Variants in UVRAG observed in about 807,000 individuals in gnomAD.
The protein encoded by UVRAG is UV radiation resistance associated.
In UVRAG, 19 loss-of-function variants were observed where a neutral mutation model predicts 78.0. That is an observed-to-expected ratio of 0.24 (90% confidence interval 0.17 to 0.36). The LOEUF (loss-of-function observed/expected upper bound fraction) is 0.36. Ranked by LOEUF, UVRAG falls within the 10% of genes least tolerant of loss-of-function variation. UVRAG has a pLI of 1.00. For missense variants in UVRAG, 740 were observed against 853.8 expected (o/e 0.87, Z 1.66); for synonymous variants, 323 against 324.6 (o/e 1.00, Z 0.05).
chr11:76,003,329 T>C (rs1047342734), intron 8 of UVRAG, among the ~76,000 whole-genome samples: 9 of 139,094 alleles, frequency 6.5e-5, no homozygotes, highest in Non-Finnish European at 1.4e-4. Flanking sequence ...TGGAGTGCAG[T>C]GTCATGATCT....
intron 7 of UVRAG, 103 bp downstream of exon 7, chr11:75,961,652 CT>C: frequency 1.2e-6 from 1 of 817,986 alleles, no homozygotes. Context: ...TCGTTTTTAT[CT>C]TCTTAATTGT....
chr11:75,921,001 GTGTT>G (rs1042254133), intron 6 of UVRAG, among the ~76,000 whole-genome samples: 2 of 152,092 alleles, frequency 1.3e-5, no homozygotes, highest in Non-Finnish European at 2.9e-5. Context: ...TTTTTAATGC[GTGTT>G]TGTTTTGACA....
At chr11:76,135,012 C>T (rs1252669977) in intron 14 of UVRAG, among the ~76,000 whole-genome samples, 1 of 152,134 alleles carries the variant, frequency 6.6e-6, no homozygotes. Flanking sequence ...AGCACGAATC[C>T]TGTTGTGAAT....
intron 12 of UVRAG, among the ~76,000 whole-genome samples, chr11:76,040,317 C>T (rs1420908217): frequency 1.3e-5 from 2 of 151,136 alleles, no homozygotes; most frequent in African/African-American, 4.9e-5. Flanking sequence ...ACTAAAAATA[C>T]AAAAAATTAG....
At chr11:75,856,574 A>G (rs1358000500) in intron 2 of UVRAG, among the ~76,000 whole-genome samples, 2 of 152,116 alleles carry the variant, frequency 1.3e-5, no homozygotes, top group Non-Finnish European at 2.9e-5. Context: ...CCTCCCGAGT[A>G]GCTGGGACTA....
chr11:75,862,222 G>C (rs772164647), intron 3 of UVRAG, among the ~76,000 whole-genome samples: 1 of 151,858 alleles, frequency 6.6e-6, no homozygotes, highest in African/African-American at 2.4e-5. Flanking sequence ...TATTTCACTC[G>C]CCATATGTCA....
At chr11:75,927,375 G>A (rs1948133687) in intron 6 of UVRAG, among the ~76,000 whole-genome samples, 1 of 152,010 alleles carries the variant, frequency 6.6e-6, no homozygotes, top group Non-Finnish European at 1.5e-5. Context: ...GGCCAGGGAT[G>A]TAATTTGGAA....
intron 11 of UVRAG, chr11:76,012,825 G>A (rs1019309774): frequency 1.3e-5 from 2 of 151,432 alleles, no homozygotes; most frequent in Non-Finnish European, 2.9e-5. Flanking sequence ...GTGTGTGTGT[G>A]TGTGTGTGTG....
intron 12 of UVRAG, among the ~76,000 whole-genome samples, chr11:76,064,616 T>G (rs1951153783): frequency 6.6e-6 from 1 of 152,170 alleles, no homozygotes; most frequent in Non-Finnish European, 1.5e-5. Flanking sequence ...TGCCTATAAT[T>G]TTATAGTGTA....
At chr11:75,826,802 A>G (rs1945522225) in intron 1 of UVRAG, among the ~76,000 whole-genome samples, 2 of 150,798 alleles carry the variant, frequency 1.3e-5, no homozygotes, top group African/African-American at 4.9e-5. Context: ...ATTCTGTGTA[A>G]TATTTGGTGT....
In UVRAG at chr11:75,917,416, A is replaced by G. The variant is rs527530018; in HGVS notation, c.593+5377A>G. Among the ~76,000 whole-genome samples, 3 of 152,268 alleles carry G rather than the reference A, an allele frequency of 2.0e-5. No individual in the cohort carries two copies. In the South Asian group the frequency reaches 6.2e-4, roughly 32 times the overall value. ...TTTCTCCTGTCCTTCTATCTTACCA[A>G]TACTTCTTGGTTAATTGTTGGAGTT... is the stretch of plus-strand genomic sequence containing the variant. On this transcript the variant is annotated intron_variant, in intron 6 of 14. Transcript: ENST00000356136.
chr11:76,105,663 T>C (rs1220408796), intron 13 of UVRAG, among the ~76,000 whole-genome samples: 1 of 151,596 alleles, frequency 6.6e-6, no homozygotes, highest in Non-Finnish European at 1.5e-5. Context: ...GATGGGAGGA[T>C]CACCTGAGCC....
At chr11:76,067,536 C>T (rs1442871607) in intron 13 of UVRAG, among the ~76,000 whole-genome samples, 1 of 152,034 alleles carries the variant, frequency 6.6e-6, no homozygotes, top group Non-Finnish European at 1.5e-5. Flanking sequence ...ATGGGTGGAT[C>T]GCTTGTGGCC....
At chr11:76,048,466 A>T (rs1164203031) in intron 12 of UVRAG, among the ~76,000 whole-genome samples, 2 of 152,218 alleles carry the variant, frequency 1.3e-5, no homozygotes, top group African/African-American at 4.8e-5. Flanking sequence ...AAACTTGTTG[A>T]TAATTAAAGG....
In UVRAG at chr11:75,910,308, A is replaced by G. The variant is rs556048999; in HGVS notation, c.508-1646A>G. Among the ~76,000 whole-genome samples the G allele has an allele frequency of 3.9e-5, 6 of 152,270 alleles. No homozygotes were observed. The South Asian group carries it at 1.0e-3, about 26-fold the overall frequency. ...TTCATTTTACAGATATTAACTTTTA[A>G]TTCCCGCATTTTGTGAGGCAGTTAC... On this transcript the variant is annotated intron_variant, in intron 5 of 14. Transcript: ENST00000356136.
chr11:76,049,362 A>G (rs1433236947), intron 12 of UVRAG, among the ~76,000 whole-genome samples: 3 of 152,230 alleles, frequency 2.0e-5, no homozygotes, highest in African/African-American at 7.2e-5. Context: ...ATCTACAGTT[A>G]TTGGTATTGA....
chr11:75,877,902 T>G (rs1473934415), intron 3 of UVRAG, among the ~76,000 whole-genome samples: 27 of 99,578 alleles, frequency 2.7e-4, no homozygotes, highest in South Asian at 1.1e-3. Flanking sequence ...GCGGCTGGCC[T>G]GGCGGGGGGC....
intron 14 of UVRAG, among the ~76,000 whole-genome samples, chr11:76,122,304 G>A (rs1952297361): frequency 6.6e-6 from 1 of 152,138 alleles, no homozygotes. Flanking sequence ...GAGGTTTGGG[G>A]TATAGGACAG....
At chr11:76,007,795 CCTA>C (rs1181467220) in intron 10 of UVRAG, among the ~76,000 whole-genome samples, 174 bp downstream of exon 10, 63 of 152,230 alleles carry the variant, frequency 4.1e-4, no homozygotes, top group African/African-American at 1.5e-3. Context: ...GGCCTTAGGT[CCTA>C]CTATTTCATT....
Sources: allele counts gnomAD v4.1 joint callset (sites outside exome capture counted in the v4.1 genomes callset), GRCh38; gene constraint gnomAD v4.1.1; transcripts MANE v1.5; gene names NCBI Gene and HGNC (gene_info 2026-07-23, HGNC 2026-07-21).